DSP: variants seen among roughly 807,000 people sequenced by gnomAD.
DSP encodes desmoplakin.
Under a neutral mutation model 290.6 loss-of-function variants are expected in DSP, and 114 were observed. The ratio of observed to expected loss-of-function variants is 0.39; its 90% CI spans 0.34 to 0.46. The LOEUF is 0.46. DSP is among the 20% of genes least tolerant of loss of function. The pLI, the probability that DSP is intolerant of heterozygous loss-of-function variation, is 0.99. For synonymous variants in DSP, 1,311 were observed against 1,316.4 expected (o/e 1.00, Z 0.09); for missense variants, 3,230 against 3,495.8 (o/e 0.92, Z 1.92).
Position 7,569,338 on chromosome 6 carries a change from C to T in DSP, c.1572C>T (p.Cys524=), listed in dbSNP as rs551570496. 6.2e-7 allele frequency: 1 copy of T among 1,614,182 alleles called. No homozygotes were observed. Among genetic ancestry groups the T allele is most frequent in the Non-Finnish European group, 8.5e-7 (1 of 1,180,030 alleles). The part of the protein sequence containing the change: ...PPNPLAVDLS[C]KIEQYYEAIL... ...ACCCACTGGCCGTGGACCTCTCTTG[C>T]AAGTAAGTCATCCAAGTTCCCAAAG... The change falls in exon 12 of 24, where the codon TGC becomes TGT. Residue 524 remains cysteine (C), a splice_region_variant and synonymous_variant. Coordinates refer to ENST00000379802, the MANE Select transcript of DSP (RefSeq NM_004415.4).
chr6:7,577,321 G>GTGTTTGTT (rs75247317), intron 20 of DSP, among the ~76,000 whole-genome samples: 72 of 151,830 alleles, frequency 4.7e-4, no homozygotes, highest in Non-Finnish European at 1.2e-4. Flanking sequence ...TTTAATAATG[G>GTGTTTGTT]TGTTTGTTTG....
chr6:7,558,084 GT>G, intron 2 of DSP, 31 bp from the exon 3 acceptor site: 1 of 1,613,954 alleles, frequency 6.2e-7, no homozygotes, highest in Non-Finnish European at 8.5e-7. Context: ...CTGGTAGTAT[GT>G]GTTTTCCTTC....
chr6:7,561,659 C>A (rs749100336), intron 4 of DSP, among the ~76,000 whole-genome samples: 1 of 152,158 alleles, frequency 6.6e-6, no homozygotes, highest in Non-Finnish European at 1.5e-5. Flanking sequence ...GGTTTAAAGC[C>A]GAGACAGCTG....
rs1357545305 is a variant in DSP, at chr6:7,562,714, C to T, written c.660C>T (p.Ser220=). Residue 220 remains serine, a synonymous_variant, in exon 5 of 24, where the codon AGC becomes AGT. Coordinates refer to ENST00000379802, the MANE Select transcript of DSP (RefSeq NM_004415.4). ...CCTCAGTGGAGCAGCACATTAACAG[C>T]CACCGGGGCATCCACAACTCCATCG... ...DLASVEQHIN[S]HRGIHNSIGD... is the part of the protein sequence containing the mutation. 3.7e-6 allele frequency: 6 copies of T among 1,614,152 alleles called. No homozygotes were observed. The South Asian group carries it at 6.6e-5, about 18-fold the overall frequency.
chr6:7,542,981 C>G (rs1275647617), intron 1 of DSP, among the ~76,000 whole-genome samples: 2 of 152,158 alleles, frequency 1.3e-5, no homozygotes, highest in Non-Finnish European at 2.9e-5. Context: ...CCGCCCTGGC[C>G]TAGGCGCCCC....
rs758323116 is a variant in DSP at position 7,569,203 on chromosome 6, G to A, written c.1437G>A (p.Gly479=). ...CCTTACAGAAAATCGTGCATAAGGG[G>A]GATGAGTGTATCCTGAAGGACAACA... ...YKQDQKIVHK[G]DECILKDNNE... Residue 479 remains glycine (G), a synonymous_variant, in exon 12 of 24, where the codon GGG becomes GGA. Transcript: ENST00000379802. The A allele has an allele frequency of 5.0e-6, 8 of 1,614,212 alleles. No homozygotes were observed. In the South Asian group the frequency reaches 7.7e-5, roughly 16 times the overall value.
Position 7,565,474 on chromosome 6 carries a change from G to A in DSP, c.893G>A (p.Trp298Ter). The change falls in exon 7 of 24, where the codon TGG becomes TAG. Residue 298 changes from tryptophan to a stop codon, truncating the protein, a stop_gained. Transcript: ENST00000379802. LOFTEE classifies it high-confidence loss of function. This position sits in a 1 kb window ranked among gnomAD's most constrained non-coding sequence, Gnocchi z 4.2. ...DCEEEELLYDWSDKNTNIAQK... is the reference protein window; with the variant it reads ...DCEEEELLYD ...GAGGAGGAGGAGCTGCTGTACGACT[G>A]GAGCGACAAGAACACCAACATCGCT... The A allele has an allele frequency of 6.2e-7, 1 of 1,614,060 alleles. No individual in the cohort carries two copies. The highest frequency in any genetic ancestry group is 8.5e-7 in the Non-Finnish European group (1 of 1,179,952).
chr6:7,575,513 T>A, intron 18 of DSP, 25 bp downstream of exon 18: 1 of 1,613,600 alleles, frequency 6.2e-7, no homozygotes, highest in Non-Finnish European at 8.5e-7. Flanking sequence ...TCCCGCTCCT[T>A]CCCCATCTTC....
Position 7,585,078 on chromosome 6 carries a change from A to T in DSP, c.7816A>T (p.Ser2606Cys). The T allele has an allele frequency of 6.2e-7, 1 of 1,614,182 alleles. No individual in the cohort carries two copies. Among genetic ancestry groups the T allele is most frequent in the Non-Finnish European group, 8.5e-7 (1 of 1,180,034 alleles). The change falls in exon 24 of 24, where the codon AGC (serine) becomes TGC (cysteine). Residue 2606 changes from serine (S) to cysteine (C), a missense_variant. Transcript: ENST00000379802. ...CAGCGTCAGGAATTTAACCATAAGG[A>T]GCAGCTCTTTTTCAGACACCCTGGA... ...ISSVRNLTIR[S>C]SSFSDTLEES... is the part of the protein sequence containing the mutation.
intron 1 of DSP, among the ~76,000 whole-genome samples, chr6:7,542,713 C>A (rs1758038399): frequency 6.6e-6 from 1 of 152,220 alleles, no homozygotes; most frequent in South Asian, 2.1e-4. Context: ...ACGAAACTTC[C>A]CCGCCGGGGC....
intron 1 of DSP, among the ~76,000 whole-genome samples, chr6:7,552,423 C>T (rs1001860687): frequency 9.9e-5 from 15 of 151,034 alleles, no homozygotes; most frequent in Non-Finnish European, 1.2e-4. Flanking sequence ...AATAGCTGGG[C>T]GTGGTGGTGC....
rs1490403808 is a variant in DSP at position 7,579,694 on chromosome 6, G to T, written c.3504G>T (p.Glu1168Asp). Residue 1168 changes from glutamate (E) to aspartate (D), a missense_variant, in exon 23 of 24, where the codon GAG (glutamate) becomes GAT (aspartate). Transcript: ENST00000379802. The surrounding 1 kb of genome is among the most constrained non-coding windows in gnomAD (Gnocchi z 4.1). ...LESEKAIKEK[E>D]YEIERLRVLL... ...CTGAGAAAGCCATCAAGGAGAAGGA[G>T]TACGAGATTGAAAGGTTGAGGGTTC... 1 of 1,613,802 alleles carries T rather than the reference G, an allele frequency of 6.2e-7. No individual in the cohort carries two copies. Among genetic ancestry groups the T allele is most frequent in the Non-Finnish European group, 8.5e-7 (1 of 1,179,864 alleles).
At position 7,575,390 on chromosome 6, in the gene DSP, G is replaced by A. The variant is rs1759206662; in HGVS notation, c.2532G>A (p.Gln844=). 1 of 1,614,098 alleles carries A rather than the reference G, an allele frequency of 6.2e-7. No individual in the cohort carries two copies. Reference sequence around the variant, plus strand: ...AGCAGATCCACTCTCAGACTTCACAGCAGTATCCACTTTATGATCTGGACT... The same window carrying A: ...AGCAGATCCACTCTCAGACTTCACAACAGTATCCACTTTATGATCTGGACT... ...KAQQIHSQTS[Q]QYPLYDLDLG... The change falls in exon 18 of 24, where the codon CAG becomes CAA. Residue 844 remains glutamine, a synonymous_variant. Transcript: ENST00000379802.
intron 13 of DSP, 88 bp from the exon 14 acceptor site, chr6:7,571,295 T>C: frequency 7.7e-7 from 1 of 1,305,758 alleles, no homozygotes; most frequent in Non-Finnish European, 1.1e-6. Flanking sequence ...GAGTCCCATC[T>C]AGTGGGTGGC....
chr6:7,561,900 G>C (rs1259954742), intron 4 of DSP, among the ~76,000 whole-genome samples: 1 of 152,238 alleles, frequency 6.6e-6, no homozygotes, highest in Non-Finnish European at 1.5e-5. Flanking sequence ...TGAGATAATG[G>C]ACTTGCCCCA....
rs147506031 is a variant in DSP, at chr6:7,570,548, C to T, written c.1686C>T (p.Ala562=). Reference sequence around the variant, plus strand: ...TGATTGACATAGAGAAGATCAGGGCCATGACAATCGCCAAGGTATGTCCTC... The same window carrying T: ...TGATTGACATAGAGAAGATCAGGGCTATGACAATCGCCAAGGTATGTCCTC... ...YCMIDIEKIR[A]MTIAKLKTMR... The change falls in exon 13 of 24, where the codon GCC becomes GCT. Residue 562 remains alanine, a synonymous_variant. Coordinates refer to ENST00000379802, the MANE Select transcript of DSP (RefSeq NM_004415.4). 6.2e-7 allele frequency: 1 copy of T among 1,613,198 alleles called. No individual in the cohort carries two copies. Among genetic ancestry groups the T allele is most frequent in the Non-Finnish European group, 8.5e-7 (1 of 1,180,028 alleles).
chr6:7,555,857 C>T (rs761713068), intron 2 of DSP, 37 bp downstream of exon 2: 6 of 1,587,322 alleles, frequency 3.8e-6, no homozygotes, highest in East Asian at 2.3e-5. Context: ...CTCCCAAAGC[C>T]TTGGCCACAC....
intron 10 of DSP, 104 bp downstream of exon 10, chr6:7,568,010 G>T: frequency 1.3e-6 from 2 of 1,510,730 alleles, no homozygotes; most frequent in East Asian, 2.4e-5. Context: ...TACAATGCAC[G>T]CCCAGAGCCA....
rs727505037 is a variant in DSP, at chr6:7,580,680, G to A, written c.4490G>A (p.Arg1497Gln). ...CTGATCGACAAAGAAACAAATGACCGGAAATGCCTGGAAGATGAAAACGCG... is the reference window on the plus strand; with the variant it reads ...CTGATCGACAAAGAAACAAATGACCAGAAATGCCTGGAAGATGAAAACGCG... ...KQLIDKETND[R>Q]KCLEDENARL... The change falls in exon 23 of 24, where the codon CGG becomes CAG. Residue 1497 changes from arginine (R) to glutamine (Q), a missense_variant. Around this residue, in one of 5 missense-constraint regions of DSP, gnomAD observed 1,714 missense variants for 1,844.5 expected, o/e 0.93. Coordinates refer to ENST00000379802, the MANE Select transcript of DSP (RefSeq NM_004415.4). The surrounding 1 kb of genome is among the most constrained non-coding windows in gnomAD (Gnocchi z 4.2). 57 of 1,613,882 alleles carry A rather than the reference G, an allele frequency of 3.5e-5. No individual in the cohort carries two copies. The highest frequency in any genetic ancestry group is 1.7e-4 in the Admixed American group (10 of 60,000).
Sources: allele counts gnomAD v4.1 joint callset (sites outside exome capture counted in the v4.1 genomes callset), GRCh38; gene constraint gnomAD v4.1.1; regional missense constraint gnomAD v4.1.1; non-coding constraint Gnocchi (gnomAD v3.1); transcripts MANE v1.5; gene names NCBI Gene and HGNC (gene_info 2026-07-23, HGNC 2026-07-21).